GALNTL6: variants seen among roughly 807,000 people sequenced by gnomAD.
GALNTL6 encodes the protein polypeptide N-acetylgalactosaminyltransferase like 6, also known as polypeptide N-acetylgalactosaminyltransferase-like 6.
A neutral mutation model predicts 73.7 loss-of-function variants in GALNTL6; 46 were observed. That is an observed-to-expected ratio of 0.62 (90% CI 0.49 to 0.80). The LOEUF (loss-of-function observed/expected upper bound fraction) is 0.80, where lower values mean the gene tolerates loss of function less well. Ranked by LOEUF, GALNTL6 falls within the 30% of genes least tolerant of loss-of-function variation. The pLI is 0.00. For missense variants in GALNTL6, 604 were observed against 755.0 expected, an observed-to-expected ratio of 0.80 and a Z score of 2.34; for synonymous variants, 259 against 263.7, an observed-to-expected ratio of 0.98 and a Z score of 0.17.
intron 2 of GALNTL6, among the ~76,000 whole-genome samples, chr4:172,219,756 G>T (rs573543487): frequency 1.3e-5 from 2 of 151,912 alleles, no homozygotes; most frequent in East Asian, 1.9e-4. Flanking sequence ...TTATCATTTG[G>T]TATTCAAGGA....
intron 8 of GALNTL6, among the ~76,000 whole-genome samples, chr4:172,891,020 T>G (rs1179695066): frequency 6.6e-6 from 1 of 152,158 alleles, no homozygotes; most frequent in Non-Finnish European, 1.5e-5. Flanking sequence ...CTCTTTTTTG[T>G]TTACCATTTG....
At chr4:172,306,708 A>C (rs1452327051) in intron 3 of GALNTL6, among the ~76,000 whole-genome samples, 1 of 152,188 alleles carries the variant, frequency 6.6e-6, no homozygotes, top group African/African-American at 2.4e-5. Context: ...GTGAGAACAT[A>C]CGATGTTTGA....
chr4:172,709,791 G>T (rs1324082937), intron 5 of GALNTL6, among the ~76,000 whole-genome samples: 1 of 152,078 alleles, frequency 6.6e-6, no homozygotes, highest in Admixed American at 6.6e-5. Context: ...AGACAATAGG[G>T]TGTTTTGAAA....
chr4:172,843,851 G>A (rs1743347185), intron 7 of GALNTL6, among the ~76,000 whole-genome samples: 3 of 152,134 alleles, frequency 2.0e-5, no homozygotes, highest in African/African-American at 7.2e-5. Context: ...TTGAAGTTAG[G>A]AGTTCCTGAC....
chr4:172,762,374 A>G (rs1005184980), intron 5 of GALNTL6, among the ~76,000 whole-genome samples: 5 of 152,196 alleles, frequency 3.3e-5, no homozygotes, highest in African/African-American at 1.2e-4. Flanking sequence ...CTTTATTCAG[A>G]AAGCTGCTAA....
At chr4:172,281,338 T>G (rs1202233960) in intron 3 of GALNTL6, among the ~76,000 whole-genome samples, 1 of 152,182 alleles carries the variant, frequency 6.6e-6, no homozygotes, top group African/African-American at 2.4e-5. Flanking sequence ...TGGCTCTACA[T>G]TACTCCCACC....
chr4:172,329,900 G>C (rs1052054443), intron 4 of GALNTL6, among the ~76,000 whole-genome samples: 13 of 152,090 alleles, frequency 8.5e-5, no homozygotes, highest in African/African-American at 3.1e-4. Context: ...AGGGATCCCA[G>C]TCTGGCCACT....
intron 2 of GALNTL6, among the ~76,000 whole-genome samples, chr4:172,063,574 C>A (rs1360301162): frequency 6.6e-6 from 1 of 152,058 alleles, no homozygotes; most frequent in African/African-American, 2.4e-5. Flanking sequence ...AGAAAACACT[C>A]TTTCTGCTTT....
chr4:171,944,294 A>G (rs1578994463), intron 2 of GALNTL6, among the ~76,000 whole-genome samples: 1 of 151,996 alleles, frequency 6.6e-6, no homozygotes, highest in African/African-American at 2.4e-5. Flanking sequence ...ATTGTGTTGG[A>G]ATAGAAGAAG....
intron 2 of GALNTL6, among the ~76,000 whole-genome samples, chr4:171,841,714 C>G (rs1318311199): frequency 9.5e-6 from 1 of 104,720 alleles, no homozygotes; most frequent in African/African-American, 2.6e-5. Context: ...TTATTTAAAT[C>G]AAAATGGTTA....
intron 5 of GALNTL6, among the ~76,000 whole-genome samples, chr4:172,741,327 C>T (rs567692745): frequency 6.6e-6 from 1 of 152,050 alleles, no homozygotes; most frequent in African/African-American, 2.4e-5. Context: ...GCTGTTGGGG[C>T]ATTGTCATTG....
rs1337687880 is a variant in GALNTL6 at position 172,504,807 on chromosome 4, G to A, written c.553+156118G>A. ...AAAATGAGATTTTATCCCATCTTAC[G>A]TGCCTTGTAAATGTGTATATTCTTC... On this transcript the variant is annotated intron_variant, in intron 5 of 12. Coordinates refer to ENST00000506823, the MANE Select transcript of GALNTL6 (RefSeq NM_001034845.3). 1.4e-3 allele frequency among the ~76,000 whole-genome samples: 75 copies of A among 54,748 alleles called. 31 individuals are homozygous for A. Among genetic ancestry groups the A allele is most frequent in the African/African-American group, 2.6e-3 (58 of 22,024 alleles). The allele number at this position is 54,748 out of a possible 152,430, so 35.9% of individuals were successfully genotyped here.
At chr4:172,121,298 A>G (rs1272225115) in intron 2 of GALNTL6, among the ~76,000 whole-genome samples, 1 of 76,736 alleles carries the variant, frequency 1.3e-5, no homozygotes, top group South Asian at 6.5e-4. Flanking sequence ...TGTGTGTGTA[A>G]GTTTGTAATT....
intron 2 of GALNTL6, among the ~76,000 whole-genome samples, chr4:171,867,039 A>T (rs1366026005): frequency 6.6e-6 from 1 of 152,146 alleles, no homozygotes; most frequent in Non-Finnish European, 1.5e-5. Context: ...TATTCTATTC[A>T]ACCTGGTAAA....
chr4:172,455,431 T>C (rs1422086075), intron 5 of GALNTL6, among the ~76,000 whole-genome samples: 3 of 152,098 alleles, frequency 2.0e-5, no homozygotes, highest in Non-Finnish European at 4.4e-5. Flanking sequence ...CCCACCCCTA[T>C]GGAGCCCAGC....
intron 2 of GALNTL6, among the ~76,000 whole-genome samples, chr4:172,008,250 A>G (rs1740896417): frequency 6.6e-6 from 1 of 152,160 alleles, no homozygotes. Flanking sequence ...TTGAAGCATA[A>G]TTACATTTTC....
intron 10 of GALNTL6, among the ~76,000 whole-genome samples, chr4:172,989,335 C>T (rs934464331): frequency 6.6e-6 from 1 of 152,160 alleles, no homozygotes; most frequent in Non-Finnish European, 1.5e-5. Context: ...GGACTTTCCT[C>T]ATCTCAAATG....
At chr4:171,973,574 A>C (rs1477519317) in intron 2 of GALNTL6, among the ~76,000 whole-genome samples, 1 of 152,148 alleles carries the variant, frequency 6.6e-6, no homozygotes, top group East Asian at 1.9e-4. Flanking sequence ...ATTAAGGCCC[A>C]TCATAATTCA....
intron 5 of GALNTL6, among the ~76,000 whole-genome samples, chr4:172,692,023 C>CA (rs1733335175): frequency 8.1e-6 from 1 of 122,930 alleles, no homozygotes; most frequent in Non-Finnish European, 1.9e-5. Context: ...CTATTTAATG[C>CA]AAAAAGCGGG....
Sources: gnomAD v4.1 joint callset for allele counts (sites outside exome capture counted in the v4.1 genomes callset) on GRCh38, gnomAD v4.1.1 for gene constraint, MANE v1.5 for transcripts, NCBI Gene and HGNC (gene_info 2026-07-23, HGNC 2026-07-21) for gene names.